Variants in DNAH11 observed in about 807,000 individuals in gnomAD.
DNAH11 encodes the protein dynein axonemal heavy chain 11.
A neutral mutation model predicts 526.0 loss-of-function variants in DNAH11; 442 were observed. The observed-to-expected ratio is 0.84, with a 90% confidence interval of 0.78 to 0.91. DNAH11 has a LOEUF of 0.91. Ranked by LOEUF, DNAH11 falls within the 40% of genes least tolerant of loss-of-function variation. The pLI is 0.00. For synonymous variants in DNAH11, 2,461 were observed against 1,935.9 expected (o/e 1.27, Z -7.12); for missense variants, 6,989 against 5,448.7 (o/e 1.28, Z -8.90).
At chr7:21,614,253 A>G (rs566077140) in intron 20 of DNAH11, among the ~76,000 whole-genome samples, 1 of 152,364 alleles carries the variant, frequency 6.6e-6, no homozygotes, top group African/African-American at 2.4e-5. Flanking sequence ...GAAAATAGAA[A>G]GTGGAAAAAC....
At chr7:21,797,302 C>G (rs1325490977) in intron 61 of DNAH11, among the ~76,000 whole-genome samples, 3 of 148,486 alleles carry the variant, frequency 2.0e-5, no homozygotes, top group Non-Finnish European at 2.9e-5. Flanking sequence ...TCATTACAAC[C>G]TCCACCTCCG....
In DNAH11 at chr7:21,698,123, G is replaced by A. The variant is rs986983985; in HGVS notation, c.6090G>A (p.Leu2030=). ...APDIELICEI[L]LVAEGFVDAR... is the part of the protein sequence containing the mutation. Reference sequence around the variant, plus strand: ...ACATTGAGCTAATCTGTGAAATCTTGTTAGTTGCTGAAGGTTTTGTGGATG... The same window carrying A: ...ACATTGAGCTAATCTGTGAAATCTTATTAGTTGCTGAAGGTTTTGTGGATG... Residue 2030 remains leucine (L), a synonymous_variant, in exon 36 of 82, where the codon TTG becomes TTA. Coordinates refer to ENST00000409508, the MANE Select transcript of DNAH11 (RefSeq NM_001277115.2). 7.4e-6 allele frequency: 12 copies of A among 1,613,498 alleles called. No individual in the cohort carries two copies. Among genetic ancestry groups the A allele is most frequent in the Non-Finnish European group, 9.3e-6 (11 of 1,179,678 alleles).
intron 75 of DNAH11, among the ~76,000 whole-genome samples, chr7:21,882,924 A>G (rs1783975854): frequency 6.6e-6 from 1 of 152,270 alleles, no homozygotes; most frequent in African/African-American, 2.4e-5. Context: ...TACATATTGA[A>G]TACTGAAATG....
In DNAH11 at chr7:21,571,810, T is replaced by C; in HGVS notation, c.1430T>C (p.Ile477Thr). 1 of 1,611,198 alleles carries C rather than the reference T, an allele frequency of 6.2e-7. No homozygotes were observed. Among genetic ancestry groups the C allele is most frequent in the Non-Finnish European group, 8.5e-7 (1 of 1,178,968 alleles). ...FLDRLIKIED[I>T]FATTLEFEKL... Reference sequence around the variant, plus strand: ...TTTACTGTGTTTTTTACAAAGGATATATTTGCCACCACTTTGGAATTTGAA... The same window carrying C: ...TTTACTGTGTTTTTTACAAAGGATACATTTGCCACCACTTTGGAATTTGAA... Residue 477 changes from isoleucine (I) to threonine (T), a missense_variant, in exon 8 of 82, where the codon ATA becomes ACA. Physicochemically the swap from Ile to Thr is moderately conservative, Grantham distance 89. Coordinates refer to ENST00000409508, the MANE Select transcript of DNAH11 (RefSeq NM_001277115.2).
At position 21,619,999 on chromosome 7, in the gene DNAH11, C is replaced by G; in HGVS notation, c.4421C>G (p.Ser1474Cys). The G allele has an allele frequency of 6.2e-7, 1 of 1,608,108 alleles. No individual in the cohort carries two copies. The highest frequency in any genetic ancestry group is 8.5e-7 in the Non-Finnish European group (1 of 1,178,124). The change falls in exon 25 of 82, where the codon TCT becomes TGT. Residue 1474 changes from serine to cysteine, a missense_variant. Transcript: ENST00000409508. ...ISQTWATMKF[S>C]YEVHYRTGIP... ...CAGACCTGGGCAACCATGAAGTTTTCTTACGAAGTTCACTATCGAACAGGC... is the reference window on the plus strand; with the variant it reads ...CAGACCTGGGCAACCATGAAGTTTTGTTACGAAGTTCACTATCGAACAGGC...
intron 35 of DNAH11, among the ~76,000 whole-genome samples, chr7:21,697,503 G>A (rs182431626): frequency 1.2e-3 from 177 of 152,188 alleles, no homozygotes; most frequent in Admixed American, 3.9e-3. Context: ...AAAAACAAAG[G>A]TGATAAACAC....
At chr7:21,586,541 T>A (rs1287172435) in intron 9 of DNAH11, among the ~76,000 whole-genome samples, 1 of 152,218 alleles carries the variant, frequency 6.6e-6, no homozygotes, top group Non-Finnish European at 1.5e-5. Context: ...ACATTTTAGT[T>A]TCTATAATTT....
At chr7:21,638,450 G>A (rs1231299559) in intron 27 of DNAH11, among the ~76,000 whole-genome samples, 3 of 152,116 alleles carry the variant, frequency 2.0e-5, no homozygotes, top group Admixed American at 6.6e-5. Flanking sequence ...GCAATAAAGT[G>A]GAACCAATTC....
intron 40 of DNAH11, among the ~76,000 whole-genome samples, chr7:21,709,401 C>T (rs1477298069): frequency 6.6e-6 from 1 of 152,034 alleles, no homozygotes; most frequent in African/African-American, 2.4e-5. Flanking sequence ...AGATGGGAGC[C>T]ATTGACACTG....
At chr7:21,744,653 G>C in intron 50 of DNAH11, 54 bp downstream of exon 50, 5 of 1,594,534 alleles carry the variant, frequency 3.1e-6, no homozygotes, top group Non-Finnish European at 4.3e-6. Context: ...ACTGGGTATT[G>C]GGACTAAAGT....
chr7:21,705,402 T>C (rs1326355779), intron 38 of DNAH11, 58 bp from the exon 39 acceptor site: 3 of 1,584,024 alleles, frequency 1.9e-6, no homozygotes, highest in South Asian at 1.1e-5. Context: ...AAATGGTAGA[T>C]TATCTTTTTG....
At chr7:21,564,152 C>A (rs769578925) in intron 5 of DNAH11, 34 bp from the exon 6 acceptor site, 12 of 1,398,508 alleles carry the variant, frequency 8.6e-6, no homozygotes, top group South Asian at 5.0e-5. Context: ...AAAAACAAAC[C>A]AGAATCACGT....
chr7:21,573,852 G>A, intron 8 of DNAH11, among the ~76,000 whole-genome samples: 1 of 152,126 alleles, frequency 6.6e-6, no homozygotes, highest in East Asian at 1.9e-4. Flanking sequence ...CTGCCCTTTG[G>A]TATATACATG....
At chr7:21,658,774 T>A in intron 29 of DNAH11, 24 bp from the exon 30 acceptor site, 3 of 1,537,934 alleles carry the variant, frequency 2.0e-6, no homozygotes, top group Non-Finnish European at 1.8e-6. Flanking sequence ...GCCTGTGTTA[T>A]AACATTTCAA....
rs751244693 is a variant in DNAH11, at chr7:21,564,351, G to A, written c.1148G>A (p.Arg383Gln). 4.3e-6 allele frequency: 7 copies of A among 1,613,212 alleles called. No homozygotes were observed. Among genetic ancestry groups the A allele is most frequent in the Admixed American group, 3.3e-5 (2 of 59,890 alleles). Reference sequence around the variant, plus strand: ...TCCAAGTTTTATAACACCCCAGCTCGGGTTATAGTTTTATTGCAAGAGTTT... The same window carrying A: ...TCCAAGTTTTATAACACCCCAGCTCAGGTTATAGTTTTATTGCAAGAGTTT... Reference protein sequence around the residue: ...SHSKFYNTPARVIVLLQEFCN... With the variant: ...SHSKFYNTPAQVIVLLQEFCN... Residue 383 changes from arginine (R) to glutamine (Q), a missense_variant, in exon 6 of 82, where the codon CGG becomes CAG. Physicochemically the swap from Arg to Gln is conservative, Grantham distance 43. Coordinates refer to ENST00000409508, the MANE Select transcript of DNAH11 (RefSeq NM_001277115.2).
At chr7:21,654,092 T>A (rs1462245033) in intron 28 of DNAH11, among the ~76,000 whole-genome samples, 1 of 152,200 alleles carries the variant, frequency 6.6e-6, no homozygotes, top group East Asian at 1.9e-4. Flanking sequence ...TTTTTTCTGT[T>A]GAGGTGAAAT....
At chr7:21,789,419 A>ATGGTGCTGTCTGAGGGT in intron 61 of DNAH11, 77 bp downstream of exon 61, 2 of 902,430 alleles carry the variant, frequency 2.2e-6, no homozygotes, top group Non-Finnish European at 3.4e-6. Flanking sequence ...ACCCTCAGAC[A>ATGGTGCTGTCTGAGGGT]GCACCATATC....
Position 21,698,084 on chromosome 7 carries a change from C to T in DNAH11, c.6051C>T (p.Ala2017=). Residue 2017 remains alanine, a synonymous_variant, in exon 36 of 82, where the codon GCC becomes GCT. Coordinates refer to ENST00000409508, the MANE Select transcript of DNAH11 (RefSeq NM_001277115.2). ...CTTATTTACTTTTTAGACCCTGTGC[C>T]ATGGTGGCCCCTGACATTGAGCTAA... ...ENLKALFRPC[A]MVAPDIELIC... The T allele has an allele frequency of 6.2e-7, 1 of 1,611,954 alleles. No individual in the cohort carries two copies. Among genetic ancestry groups the T allele is most frequent in the Non-Finnish European group, 8.5e-7 (1 of 1,179,214 alleles).
At chr7:21,726,610 CCAG>C (rs1785115164) in intron 45 of DNAH11, among the ~76,000 whole-genome samples, 1 of 151,450 alleles carries the variant, frequency 6.6e-6, no homozygotes, top group Non-Finnish European at 1.5e-5. Context: ...ACCTGTAATC[CCAG>C]CACTTTGGGA....
Sources: gnomAD v4.1 joint callset for allele counts (sites outside exome capture counted in the v4.1 genomes callset) on GRCh38, gnomAD v4.1.1 for gene constraint, MANE v1.5 for transcripts, NCBI Gene and HGNC (gene_info 2026-07-23, HGNC 2026-07-21) for gene names.